The following PSG6 variants were observed in gnomAD, a reference collection of about 807,000 sequenced individuals.
PSG6 encodes the protein pregnancy-specific beta-1-glycoprotein 6.
PSG6 carries 51 observed loss-of-function variants against 43.3 expected under a neutral mutation model. That is an observed-to-expected ratio of 1.18 (90% CI 0.94 to 1.49). The LOEUF (loss-of-function observed/expected upper bound fraction) is 1.49. PSG6 is among the 40% of genes most tolerant of loss of function. PSG6 has a pLI of 0.00. For missense variants in PSG6, 770 were observed against 522.2 expected, an observed-to-expected ratio of 1.47 and a Z score of -4.62; for synonymous variants, 292 against 197.6, an observed-to-expected ratio of 1.48 and a Z score of -4.01.
intron 2 of PSG6, among the ~76,000 whole-genome samples, chr19:42,912,247 T>A (rs1972241340): frequency 6.6e-6 from 1 of 151,610 alleles, no homozygotes; most frequent in Admixed American, 6.6e-5. Context: ...TACTGTAATT[T>A]TCCCATAAAA....
chr19:42,904,695 T>G (rs1470005258), intron 5 of PSG6, among the ~76,000 whole-genome samples: 3 of 151,668 alleles, frequency 2.0e-5, no homozygotes, highest in African/African-American at 4.8e-5. Context: ...GACTCAATAT[T>G]GTTAGGAGGA....
chr19:42,915,478 A>C (rs1164292042), intron 2 of PSG6: 1 of 153,858 alleles, frequency 6.5e-6, no homozygotes, highest in Non-Finnish European at 1.4e-5. Flanking sequence ...TAGGCCTCCT[A>C]AGGCAGTTGG....
chr19:42,912,775 T>C (rs1972251417), intron 2 of PSG6, among the ~76,000 whole-genome samples: 1 of 151,602 alleles, frequency 6.6e-6, no homozygotes, highest in Admixed American at 6.6e-5. Flanking sequence ...CAATGGCTCT[T>C]GTGTCTCCCC....
In PSG6 at chr19:42,910,735, TG is replaced by T. The variant is rs747678889; in HGVS notation, c.550del (p.Gln184ArgfsTer5). 1.2e-6 allele frequency: 2 copies of T among 1,612,394 alleles called. No individual in the cohort carries two copies. The highest frequency in any genetic ancestry group is 4.5e-5 in the East Asian group (2 of 44,790). ...DASYLWLLNG[Q>X]NLPMTHRLQL... is the part of the protein sequence containing the mutation. Reference sequence around the variant, plus strand: ...CAACCTGTGAGTCATAGGGAGGTTCTGACCATTCAGCAACCACAGGTAGCTT... The same window carrying T: ...CAACCTGTGAGTCATAGGGAGGTTCTACCATTCAGCAACCACAGGTAGCTT... On this transcript the variant is annotated frameshift_variant, in exon 3 of 6. Coordinates refer to ENST00000187910, the MANE Select transcript of PSG6 (RefSeq NM_001031850.4). LOFTEE classifies it high-confidence loss of function.
chr19:42,905,272 A>C (rs1440998300), intron 5 of PSG6, among the ~76,000 whole-genome samples: 1 of 151,850 alleles, frequency 6.6e-6, no homozygotes, highest in Non-Finnish European at 1.5e-5. Context: ...ATCAGACTTC[A>C]TAAAAATCAA....
At chr19:42,906,263 C>T (rs1158239542) in intron 5 of PSG6, among the ~76,000 whole-genome samples, 2 of 151,458 alleles carry the variant, frequency 1.3e-5, no homozygotes, top group Non-Finnish European at 2.9e-5. Context: ...AGGAGTCAGC[C>T]CTGAAGCTCC....
intron 1 of PSG6, 43 bp from the exon 2 acceptor site, chr19:42,916,530 A>C: frequency 6.3e-7 from 1 of 1,576,730 alleles, no homozygotes; most frequent in Non-Finnish European, 8.6e-7. Context: ...GGACCTATGT[A>C]TTGGGGTGAA....
At chr19:42,905,409 G>A (rs1407328052) in intron 5 of PSG6, among the ~76,000 whole-genome samples, 1 of 151,636 alleles carries the variant, frequency 6.6e-6, no homozygotes, top group Non-Finnish European at 1.5e-5. Context: ...AACAATGACA[G>A]CAACACTAAA....
At chr19:42,912,744 G>A (rs1345977278) in intron 2 of PSG6, among the ~76,000 whole-genome samples, 2 of 151,712 alleles carry the variant, frequency 1.3e-5, no homozygotes, top group Non-Finnish European at 2.9e-5. Flanking sequence ...GTGTGAATTA[G>A]GAAGAGTCTA....
intron 3 of PSG6, among the ~76,000 whole-genome samples, chr19:42,909,237 G>T (rs1417397352): frequency 6.6e-6 from 1 of 151,418 alleles, no homozygotes; most frequent in Non-Finnish European, 1.5e-5. Context: ...TTCTAGCTTG[G>T]TGATTAGTTT....
chr19:42,908,522 T>C (rs1181133655), intron 3 of PSG6, among the ~76,000 whole-genome samples: 4 of 151,750 alleles, frequency 2.6e-5, no homozygotes, highest in Non-Finnish European at 5.9e-5. Flanking sequence ...AGGAATGATC[T>C]AGAAAGAGTG....
intron 3 of PSG6, among the ~76,000 whole-genome samples, chr19:42,909,330 A>G (rs536684813): frequency 2.3e-4 from 35 of 151,572 alleles, no homozygotes; most frequent in East Asian, 1.9e-3. Flanking sequence ...GCTATTTTCT[A>G]TGTCATCAGA....
At chr19:42,910,406 G>A (rs1424807844) in intron 3 of PSG6, 174 bp downstream of exon 3, 1 of 1,518,360 alleles carries the variant, frequency 6.6e-7, no homozygotes, top group Admixed American at 1.8e-5. Flanking sequence ...CTCTCTTATT[G>A]TTGATCAAGC....
intron 5 of PSG6, among the ~76,000 whole-genome samples, chr19:42,904,278 T>C (rs1972079593): frequency 3.3e-5 from 5 of 151,626 alleles, no homozygotes; most frequent in Non-Finnish European, 5.9e-5. Flanking sequence ...TTATTCAACA[T>C]AGTAGTGAAA....
intron 5 of PSG6, chr19:42,903,613 G>A: frequency 5.5e-6 from 8 of 1,450,854 alleles, no homozygotes; most frequent in Non-Finnish European, 7.3e-6. Flanking sequence ...AATGGACTCT[G>A]AGCATGGTGG....
At position 42,908,944 on chromosome 19, in the gene PSG6, T is replaced by C. The variant is rs750985150; in HGVS notation, c.707-1090A>G. Among the ~76,000 whole-genome samples, 31 of 151,626 alleles carry C rather than the reference T, an allele frequency of 2.0e-4. 1 individual carries two copies. Among genetic ancestry groups the C allele is most frequent in the Non-Finnish European group, 3.4e-4 (23 of 67,902 alleles). On this transcript the variant is annotated intron_variant, in intron 3 of 5. Coordinates refer to ENST00000187910, the MANE Select transcript of PSG6 (RefSeq NM_001031850.4). ...GTTCATGGGTGTGCAGTTTCAGTTA[T>C]ACAAGTTGGAGAGGTTCTAGAGATC...
At chr19:42,912,836 G>A (rs1171537603) in intron 2 of PSG6, among the ~76,000 whole-genome samples, 1 of 151,656 alleles carries the variant, frequency 6.6e-6, no homozygotes, top group Non-Finnish European at 1.5e-5. Context: ...GGAAATAGTT[G>A]TATGTGGCAC....
Position 42,906,601 on chromosome 19 carries a change from G to A in PSG6, c.1240+321C>T, listed in dbSNP as rs116626674. On this transcript the variant is annotated intron_variant, in intron 5 of 5. Coordinates refer to ENST00000187910, the MANE Select transcript of PSG6 (RefSeq NM_001031850.4). ...AGACATGGCAGAAGGGGATGTGTTC[G>A]TGACAGCGAGAAGCAACTTGATCTT... is the stretch of plus-strand genomic sequence containing the variant. The A allele has an allele frequency of 3.2e-4, 435 of 1,349,332 alleles. 9 individuals carry two copies. In the African/African-American group the frequency reaches 3.4e-3, roughly 10 times the overall value. The allele number at this position is 1,349,332 out of a possible 1,614,324, so 83.6% of individuals were successfully genotyped here.
At position 42,906,997 on chromosome 19, in the gene PSG6, C is replaced by T. The variant is rs151199781; in HGVS notation, c.1165G>A (p.Gly389Arg). The T allele has an allele frequency of 4.6e-5, 74 of 1,612,360 alleles. 1 individual carries two copies. The African/African-American group carries it at 7.4e-4, about 16-fold the overall frequency. The change falls in exon 5 of 6, where the codon GGG becomes AGG. Residue 389 changes from glycine (G) to arginine (R), a missense_variant. Coordinates refer to ENST00000187910, the MANE Select transcript of PSG6 (RefSeq NM_001031850.4). ...TTACGAACAGAGCAAGCATAGAGCC[C>T]GCTATGATTTGTAGTAATTTGGGGG... ...FIPQITTNHS[G>R]LYACSVRNSA... is the part of the protein sequence containing the mutation.
Sources: allele counts gnomAD v4.1 joint callset (sites outside exome capture counted in the v4.1 genomes callset), GRCh38; gene constraint gnomAD v4.1.1; transcripts MANE v1.5; gene names NCBI Gene and HGNC (gene_info 2026-07-23, HGNC 2026-07-21).